MYO5B: variants seen among roughly 807,000 people sequenced by gnomAD.
The protein encoded by MYO5B is unconventional myosin-Vb.
In MYO5B, 143 loss-of-function variants were observed where a neutral mutation model predicts 229.3. The observed-to-expected ratio is 0.62, with a 90% CI of 0.54 to 0.72. The LOEUF (loss-of-function observed/expected upper bound fraction) is 0.72, where lower values mean the gene tolerates loss of function less well. Ranked by LOEUF, MYO5B falls within the 30% of genes least tolerant of loss-of-function variation. The pLI, the probability that MYO5B is intolerant of heterozygous loss-of-function variation, is 0.00. For synonymous variants in MYO5B, 918 were observed against 885.2 expected (o/e 1.04, Z -0.66); for missense variants, 2,321 against 2,331.0 (o/e 1.00, Z 0.09).
rs547767910 is a variant in MYO5B at position 50,032,135 on chromosome 18, T to C, written c.455+4715A>G. Among the ~76,000 whole-genome samples, 14 of 152,100 alleles carry C rather than the reference T, an allele frequency of 9.2e-5. No individual in the cohort carries two copies. The South Asian group carries it at 1.4e-3, about 16-fold the overall frequency. On this transcript the variant is annotated intron_variant, in intron 4 of 39. Coordinates refer to ENST00000285039, the MANE Select transcript of MYO5B (RefSeq NM_001080467.3). ...AACACCCCTGCAGATCCATTCACCATGTAAGTTAAACTTGCCTAGGTACAG... is the reference window on the plus strand; with the variant it reads ...AACACCCCTGCAGATCCATTCACCACGTAAGTTAAACTTGCCTAGGTACAG...
chr18:50,171,072 T>G (rs1599074936), intron 1 of MYO5B, among the ~76,000 whole-genome samples: 1 of 126,578 alleles, frequency 7.9e-6, no homozygotes, highest in Non-Finnish European at 1.7e-5. Context: ...CCTACAGAAA[T>G]CCCAGAATCT....
At chr18:49,880,508 GCTC>G in intron 22 of MYO5B, 53 bp from the exon 23 acceptor site, 1 of 1,375,378 alleles carries the variant, frequency 7.3e-7, no homozygotes, top group Non-Finnish European at 1.0e-6. Flanking sequence ...AAGAGGAGAG[GCTC>G]CTCTTGTGGG....
At position 50,110,270 on chromosome 18, in the gene MYO5B, T is replaced by A. The variant is rs559159350; in HGVS notation, c.28-54892A>T. 6.4e-4 allele frequency among the ~76,000 whole-genome samples: 97 copies of A among 152,318 alleles called. 1 individual carries two copies. Among genetic ancestry groups the A allele is most frequent in the Non-Finnish European group, 1.0e-3 (70 of 68,040 alleles). On this transcript the variant is annotated intron_variant, in intron 1 of 39. Coordinates refer to ENST00000285039, the MANE Select transcript of MYO5B (RefSeq NM_001080467.3). ...TGTCTCCTTTCTCTGCTTTATTTTCTTCTCCTGGCAACAACAGCATCTATG... is the reference window on the plus strand; with the variant it reads ...TGTCTCCTTTCTCTGCTTTATTTTCATCTCCTGGCAACAACAGCATCTATG...
intron 1 of MYO5B, 139 bp downstream of exon 1, chr18:50,194,628 T>G: frequency 1.7e-6 from 1 of 581,486 alleles, no homozygotes; most frequent in South Asian, 2.1e-5. Flanking sequence ...CCGAGGACAG[T>G]GACGAGGAGG....
intron 14 of MYO5B, among the ~76,000 whole-genome samples, chr18:49,942,457 T>C (rs28862009): frequency 0.23 from 33,399 of 143,312 alleles, 5,451 homozygotes; most frequent in African/African-American, 0.47. Context: ...ATTTTTGCAA[T>C]CTACTCATCT....
intron 17 of MYO5B, among the ~76,000 whole-genome samples, chr18:49,915,910 G>C (rs1598880228): frequency 6.6e-6 from 1 of 152,314 alleles, no homozygotes; most frequent in East Asian, 1.9e-4. Flanking sequence ...CTTGGGGTAA[G>C]ATGGATTTGG....
At chr18:50,131,453 T>C (rs2032253063) in intron 1 of MYO5B, among the ~76,000 whole-genome samples, 1 of 150,764 alleles carries the variant, frequency 6.6e-6, no homozygotes, top group African/African-American at 2.4e-5. Context: ...CAAGGAAAAA[T>C]AATAGGTACT....
chr18:49,857,531 C>T (rs746300168), intron 29 of MYO5B, among the ~76,000 whole-genome samples: 3 of 152,212 alleles, frequency 2.0e-5, no homozygotes, highest in Non-Finnish European at 4.4e-5. Context: ...CTAATCTTAA[C>T]TTCAGCTCTC....
chr18:50,134,592 A>G (rs1371264332), intron 1 of MYO5B, among the ~76,000 whole-genome samples: 2 of 122,184 alleles, frequency 1.6e-5, no homozygotes, highest in Non-Finnish European at 3.6e-5. Context: ...AAATAAATAA[A>G]TAAATAAATA....
At chr18:49,968,518 C>T (rs2025652665) in intron 10 of MYO5B, among the ~76,000 whole-genome samples, 1 of 152,162 alleles carries the variant, frequency 6.6e-6, no homozygotes, top group Admixed American at 6.5e-5. Flanking sequence ...CTAAATGGGT[C>T]CGGGTGCTGG....
At chr18:49,891,200 G>A (rs972121497) in intron 22 of MYO5B, among the ~76,000 whole-genome samples, 1 of 152,126 alleles carries the variant, frequency 6.6e-6, no homozygotes, top group African/African-American at 2.4e-5. Context: ...GCCTGTGCAC[G>A]TGTGCCACAC....
At chr18:49,863,456 A>G (rs957094125) in intron 28 of MYO5B, 129 bp from the exon 29 acceptor site, 7 of 776,976 alleles carry the variant, frequency 9.0e-6, no homozygotes, top group African/African-American at 1.7e-5. Context: ...GATAACCACA[A>G]TCAAACCCAC....
In MYO5B at chr18:50,079,814, G is replaced by A. The variant is rs530836730; in HGVS notation, c.28-24436C>T. Among the ~76,000 whole-genome samples, 116 of 152,248 alleles carry A rather than the reference G, an allele frequency of 7.6e-4. 1 individual carries two copies. The highest frequency in any genetic ancestry group is 2.5e-3 in the African/African-American group (103 of 41,516). On this transcript the variant is annotated intron_variant, in intron 1 of 39. Transcript: ENST00000285039. ...CCCTGGGCAACAGCCCAGCTGGGCC[G>A]TCTCCAGTTGAATGCCTGCCTGCCT...
At chr18:50,163,581 G>T (rs940190428) in intron 1 of MYO5B, among the ~76,000 whole-genome samples, 3 of 152,218 alleles carry the variant, frequency 2.0e-5, no homozygotes, top group Non-Finnish European at 4.4e-5. Flanking sequence ...CCCACCAGCA[G>T]CCCAGGTGCT....
chr18:50,006,303 A>G (rs1000178798), intron 4 of MYO5B, among the ~76,000 whole-genome samples: 31 of 152,200 alleles, frequency 2.0e-4, no homozygotes, highest in Non-Finnish European at 2.4e-4. Context: ...ATTCACCCCA[A>G]TGACTTGGCT....
At position 50,120,024 on chromosome 18, in the gene MYO5B, C is replaced by A. The variant is rs140842622; in HGVS notation, c.28-64646G>T. On this transcript the variant is annotated intron_variant, in intron 1 of 39. Transcript: ENST00000285039. Reference sequence around the variant, plus strand: ...AAAAAGGTCTAGCTTCTAGCACATACGGCACTAAAAAAGGCATTAAACAGA... The same window carrying A: ...AAAAAGGTCTAGCTTCTAGCACATAAGGCACTAAAAAAGGCATTAAACAGA... Among the ~76,000 whole-genome samples the A allele has an allele frequency of 1.6e-4, 24 of 152,270 alleles. No individual in the cohort carries two copies. The East Asian group carries it at 3.9e-3, about 24-fold the overall frequency.
Position 50,169,823 on chromosome 18 carries a change from C to T in MYO5B, c.27+24944G>A, listed in dbSNP as rs2032901466. ...ATTTTAAAGAAATTTTTGCTCTTCA[C>T]CTTTCCACTTGCTTTCCACCTAGAA... On this transcript the variant is annotated intron_variant, in intron 1 of 39. Transcript: ENST00000285039. Among the ~76,000 whole-genome samples, 2 of 127,454 alleles carry T rather than the reference C, an allele frequency of 1.6e-5. 1 individual carries two copies. The highest frequency in any genetic ancestry group is 5.9e-5 in the African/African-American group (2 of 33,656). 83.6% of individuals were successfully genotyped at this position (127,454 alleles called of 152,430 possible).
At chr18:49,854,507 T>C (rs1413736909) in intron 30 of MYO5B, among the ~76,000 whole-genome samples, 1 of 152,224 alleles carries the variant, frequency 6.6e-6, no homozygotes, top group Non-Finnish European at 1.5e-5. Context: ...TTGTCCTTCT[T>C]GGACTTAGTT....
chr18:50,011,766 T>A (rs751935989), intron 4 of MYO5B, among the ~76,000 whole-genome samples: 14 of 152,096 alleles, frequency 9.2e-5, no homozygotes, highest in Non-Finnish European at 1.9e-4. Flanking sequence ...TTCTATGCCC[T>A]ACTCAATCCA....
Sources: allele counts gnomAD v4.1 joint callset (sites outside exome capture counted in the v4.1 genomes callset), GRCh38; gene constraint gnomAD v4.1.1; transcripts MANE v1.5; gene names NCBI Gene and HGNC (gene_info 2026-07-23, HGNC 2026-07-21).